Variants in PPARGC1A observed in about 807,000 individuals in gnomAD.
PPARGC1A encodes PPARG coactivator 1 alpha.
In PPARGC1A, 25 loss-of-function variants were observed where a neutral mutation model predicts 88.7. The observed-to-expected ratio is 0.28, with a 90% CI of 0.21 to 0.39. PPARGC1A has a LOEUF of 0.39. Ranked by LOEUF, PPARGC1A falls within the 10% of genes least tolerant of loss-of-function variation. PPARGC1A has a pLI of 1.00. For missense variants in PPARGC1A, 880 were observed against 968.7 expected, an observed-to-expected ratio of 0.91 and a Z score of 1.22; for synonymous variants, 363 against 355.6, an observed-to-expected ratio of 1.02 and a Z score of -0.24.
the PPARGC1A span, among the ~76,000 whole-genome samples, chr4:24,122,433 A>G: frequency 7.3e-6 from 1 of 137,736 alleles, no homozygotes; most frequent in Admixed American, 7.0e-5. Context: ...ATATATATAT[A>G]TATAGAGAGA....
chr4:23,863,302 T>A (rs1731572035), intron 2 of PPARGC1A, among the ~76,000 whole-genome samples: 1 of 152,160 alleles, frequency 6.6e-6, no homozygotes, highest in Non-Finnish European at 1.5e-5. Context: ...TGCCACCAGA[T>A]AACTTTTAAG....
chr4:23,886,640 G>A (rs993261250), intron 1 of PPARGC1A, among the ~76,000 whole-genome samples: 1 of 152,078 alleles, frequency 6.6e-6, no homozygotes, highest in Non-Finnish European at 1.5e-5. Context: ...AGGCATATAA[G>A]TAACTGGAGG....
the PPARGC1A span, among the ~76,000 whole-genome samples, chr4:24,451,296 T>C: frequency 2.0e-5 from 3 of 152,236 alleles, no homozygotes; most frequent in Non-Finnish European, 4.4e-5. Context: ...GGGCTTGTCA[T>C]ATTTTCTACC....
At chr4:24,395,371 C>T in the PPARGC1A span, among the ~76,000 whole-genome samples, 12 of 152,138 alleles carry the variant, frequency 7.9e-5, no homozygotes, top group Non-Finnish European at 1.5e-4. Context: ...CTTAGGTTAT[C>T]ATCATCACAT....
Position 23,814,047 on chromosome 4 carries a change from T to A in PPARGC1A, c.1436A>T (p.Asp479Val). ...ACTGTCCCTCAGTTCACCGGTCTTG[T>A]CTGCTTCGTCGTCAAAAACAGCTTG... ...PSQAVFDDEA[D>V]KTGELRDSDF... Residue 479 changes from aspartate to valine, a missense_variant, in exon 8 of 13, where the codon GAC (aspartate) becomes GTC (valine). Coordinates refer to ENST00000264867, the MANE Select transcript of PPARGC1A (RefSeq NM_013261.5). 2 of 1,614,048 alleles carry A rather than the reference T, an allele frequency of 1.2e-6. No individual in the cohort carries two copies. The highest frequency in any genetic ancestry group is 8.5e-7 in the Non-Finnish European group (1 of 1,179,956).
At chr4:23,974,799 A>ATTTTTTTTTTTTTTTTTTT in the PPARGC1A span, among the ~76,000 whole-genome samples, 107 of 61,120 alleles carry the variant, frequency 1.8e-3, 6 homozygotes, top group East Asian at 3.7e-3. Context: ...GGCCCGGCTA[A>ATTTTTTTTTTTTTTTTTTT]TTTTTTTTTT....
At chr4:24,372,941 A>AT in the PPARGC1A span, among the ~76,000 whole-genome samples, 1 of 152,206 alleles carries the variant, frequency 6.6e-6, no homozygotes, top group Non-Finnish European at 1.5e-5. Context: ...AATTTCTAGA[A>AT]TCCTTAAGAG....
chr4:23,810,087 T>C (rs1720609265), intron 10 of PPARGC1A, among the ~76,000 whole-genome samples: 1 of 152,238 alleles, frequency 6.6e-6, no homozygotes, highest in Admixed American at 6.5e-5. Context: ...CAGAAAGAGC[T>C]ATGAGCTTTC....
At chr4:24,472,899 C>T in the PPARGC1A span, among the ~76,000 whole-genome samples, 1 of 137,758 alleles carries the variant, frequency 7.3e-6, no homozygotes, top group Non-Finnish European at 1.6e-5. This position sits in a 1 kb window ranked among gnomAD's most constrained non-coding sequence, Gnocchi z 4.5. Context: ...AGCGGGCGGG[C>T]GTGTGCGCGC....
chr4:23,966,060 G>T, the PPARGC1A span, among the ~76,000 whole-genome samples: 1 of 152,150 alleles, frequency 6.6e-6, no homozygotes, highest in African/African-American at 2.4e-5. Context: ...GTTCTGGAGT[G>T]GGCCTGTTAA....
chr4:24,345,134 A>G, the PPARGC1A span, among the ~76,000 whole-genome samples: 2 of 152,018 alleles, frequency 1.3e-5, no homozygotes, highest in African/African-American at 4.8e-5. Flanking sequence ...TTATACCAGT[A>G]CCACACTGTT....
intron 2 of PPARGC1A, among the ~76,000 whole-genome samples, chr4:23,879,606 C>G (rs1002726603): frequency 3.3e-5 from 5 of 152,166 alleles, no homozygotes; most frequent in Non-Finnish European, 5.9e-5. Flanking sequence ...TACTTTGAAT[C>G]TGTTCCCTGA....
At chr4:24,050,858 A>G in the PPARGC1A span, among the ~76,000 whole-genome samples, 1 of 152,142 alleles carries the variant, frequency 6.6e-6, no homozygotes, top group African/African-American at 2.4e-5. Context: ...AAATCCAATC[A>G]ACATTTTATT....
chr4:23,922,400 C>A, the PPARGC1A span, among the ~76,000 whole-genome samples: 5 of 152,204 alleles, frequency 3.3e-5, no homozygotes, highest in Admixed American at 6.5e-5. Flanking sequence ...ACCATCGAAG[C>A]GTTTCTCCTC....
At chr4:24,177,641 AAATAAATAAAT>A in the PPARGC1A span, among the ~76,000 whole-genome samples, 1 of 115,438 alleles carries the variant, frequency 8.7e-6, no homozygotes, top group African/African-American at 3.4e-5. Context: ...ATAAATAAAT[AAATAAATAAAT>A]AAATAAATAA....
chr4:24,262,994 C>T, the PPARGC1A span, among the ~76,000 whole-genome samples: 1 of 152,180 alleles, frequency 6.6e-6, no homozygotes. Context: ...TTTGGGCTTC[C>T]TTTACTTAAC....
chr4:23,991,796 A>G, the PPARGC1A span, among the ~76,000 whole-genome samples: 1 of 152,046 alleles, frequency 6.6e-6, no homozygotes, highest in Non-Finnish European at 1.5e-5. Flanking sequence ...TTTACACTCC[A>G]AGTGTTTCAA....
chr4:24,014,782 G>T, the PPARGC1A span, among the ~76,000 whole-genome samples: 1 of 152,082 alleles, frequency 6.6e-6, no homozygotes, highest in Admixed American at 6.5e-5. Context: ...GATTAACTCA[G>T]ACCCACCCAG....
At chr4:24,401,015 CTTTT>C in the PPARGC1A span, among the ~76,000 whole-genome samples, 2 of 99,824 alleles carry the variant, frequency 2.0e-5, no homozygotes, top group African/African-American at 7.8e-5. Context: ...CCTGAATTTT[CTTTT>C]TTTTTTTTTT....
Sources: allele counts gnomAD v4.1 joint callset (sites outside exome capture counted in the v4.1 genomes callset), GRCh38; gene constraint gnomAD v4.1.1; non-coding constraint Gnocchi (gnomAD v3.1); transcripts MANE v1.5; gene names NCBI Gene and HGNC (gene_info 2026-07-23, HGNC 2026-07-21).